The following MIPOL1 variants were observed in gnomAD, a reference collection of about 807,000 sequenced individuals.
MIPOL1 encodes mirror-image polydactyly gene 1 protein.
MIPOL1 carries 57 observed loss-of-function variants against 60.9 expected under a neutral mutation model. The ratio of observed to expected loss-of-function variants is 0.94; its 90% CI spans 0.76 to 1.17. MIPOL1 has a LOEUF of 1.17. MIPOL1 is among the 50% of genes most tolerant of loss of function. The pLI is 0.00. For synonymous variants in MIPOL1, 179 were observed against 168.8 expected (o/e 1.06, Z -0.47); for missense variants, 551 against 511.6 (o/e 1.08, Z -0.74).
intron 12 of MIPOL1, chr14:37,503,588 A>G (rs896411463): frequency 6.6e-6 from 1 of 152,216 alleles, no homozygotes; most frequent in African/African-American, 2.4e-5. Flanking sequence ...CCTGCCTTAC[A>G]AGAGCTCCTG....
intron 7 of MIPOL1, among the ~76,000 whole-genome samples, chr14:37,294,495 A>G (rs1239109808): frequency 1.3e-5 from 2 of 152,194 alleles, no homozygotes; most frequent in Non-Finnish European, 2.9e-5. Flanking sequence ...AGGCTTCAGA[A>G]GATCAAACTA....
intron 12 of MIPOL1, among the ~76,000 whole-genome samples, chr14:37,519,184 T>G (rs2095394112): frequency 6.6e-6 from 1 of 152,170 alleles, no homozygotes; most frequent in African/African-American, 2.4e-5. Flanking sequence ...CTAAATAGTT[T>G]GAGAGAGCTT....
chr14:37,217,099 T>C, intron 1 of MIPOL1, among the ~76,000 whole-genome samples: 1 of 152,130 alleles, frequency 6.6e-6, no homozygotes, highest in Non-Finnish European at 1.5e-5. Flanking sequence ...GCAGAAATTC[T>C]AAGGATCATT....
intron 1 of MIPOL1, among the ~76,000 whole-genome samples, chr14:37,203,949 AT>A (rs1965689361): frequency 1.3e-5 from 2 of 151,878 alleles, no homozygotes; most frequent in African/African-American, 4.8e-5. Context: ...CGCCCAGCTA[AT>A]TTTTTATATT....
chr14:37,426,572 T>TATATATATATATATATATATATAC (rs1160539122), intron 11 of MIPOL1, among the ~76,000 whole-genome samples: 1 of 73,842 alleles, frequency 1.4e-5, no homozygotes. Context: ...AAAATATACA[T>TATATATATATATATATATATATAC]ATATATATAT....
chr14:37,453,988 A>G (rs188581585), intron 11 of MIPOL1, among the ~76,000 whole-genome samples: 55 of 152,326 alleles, frequency 3.6e-4, no homozygotes, highest in Middle Eastern at 3.4e-3. Context: ...GATTTAAATA[A>G]TCTGGTCATT....
intron 3 of MIPOL1, among the ~76,000 whole-genome samples, chr14:37,260,240 TAA>T (rs754422554): frequency 4.0e-4 from 48 of 121,164 alleles, no homozygotes; most frequent in Admixed American, 3.4e-4. Context: ...AGATCTCATC[TAA>T]AAAAAAAAAA....
At chr14:37,436,743 T>G (rs2094169397) in intron 11 of MIPOL1, among the ~76,000 whole-genome samples, 1 of 152,216 alleles carries the variant, frequency 6.6e-6, no homozygotes, top group African/African-American at 2.4e-5. Flanking sequence ...GACTTAACAT[T>G]GTTATTTTGC....
chr14:37,494,545 G>T (rs149297232), intron 11 of MIPOL1, among the ~76,000 whole-genome samples: 1 of 152,156 alleles, frequency 6.6e-6, no homozygotes. Flanking sequence ...GAGGAAGGAG[G>T]TAGAGAGGTC....
At chr14:37,321,158 A>G (rs181706302) in intron 9 of MIPOL1, among the ~76,000 whole-genome samples, 5 of 152,106 alleles carry the variant, frequency 3.3e-5, no homozygotes, top group African/African-American at 9.6e-5. Context: ...TTAAAGCAAG[A>G]TTGGCATCTT....
chr14:37,200,848 C>CTG (rs1408015940), intron 1 of MIPOL1, among the ~76,000 whole-genome samples: 6 of 94,888 alleles, frequency 6.3e-5, no homozygotes, highest in East Asian at 2.9e-4. Context: ...CTATATCTAT[C>CTG]TATGTGTGTG....
intron 9 of MIPOL1, among the ~76,000 whole-genome samples, chr14:37,337,868 CAG>C (rs1322242480): frequency 1.3e-5 from 2 of 151,950 alleles, no homozygotes; most frequent in African/African-American, 4.8e-5. Flanking sequence ...ATATGCAGCA[CAG>C]AAGTTTTTTA....
chr14:37,336,105 G>GTT (rs139169812), intron 9 of MIPOL1, among the ~76,000 whole-genome samples: 1 of 111,768 alleles, frequency 8.9e-6, no homozygotes, highest in Non-Finnish European at 1.9e-5. Flanking sequence ...CAAATTCATG[G>GTT]TTTTTTTTTT....
At chr14:37,208,450 A>G (rs899267605) in intron 1 of MIPOL1, among the ~76,000 whole-genome samples, 2 of 152,218 alleles carry the variant, frequency 1.3e-5, no homozygotes, top group African/African-American at 2.4e-5. Context: ...TTTAGAAAAC[A>G]TAGATCAATT....
intron 12 of MIPOL1, chr14:37,501,926 C>T (rs375698347): frequency 1.3e-5 from 2 of 152,356 alleles, no homozygotes; most frequent in Non-Finnish European, 2.9e-5. Flanking sequence ...TCTTACCAAC[C>T]TGCAGACCAG....
chr14:37,334,427 TA>T (rs1447383881), intron 9 of MIPOL1, among the ~76,000 whole-genome samples: 3 of 152,020 alleles, frequency 2.0e-5, no homozygotes, highest in African/African-American at 7.2e-5. Flanking sequence ...AGCTTATCCA[TA>T]CGCAAATCAA....
At chr14:37,210,116 G>A (rs1369398537) in intron 1 of MIPOL1, among the ~76,000 whole-genome samples, 1 of 151,970 alleles carries the variant, frequency 6.6e-6, no homozygotes, top group African/African-American at 2.4e-5. Context: ...TTCTCTCACA[G>A]CACACTAATC....
Position 37,308,474 on chromosome 14 carries a change from A to G in MIPOL1, c.783A>G (p.Glu261=). ...TKECKMRITA[E]EMSALIEERD... ...AATGTAAAATGAGAATAACTGCAGA[A>G]GAAATGAGTGCACTAATAGAAGAAC... Residue 261 remains glutamate (E), a synonymous_variant, in exon 9 of 13, where the codon GAA becomes GAG. Transcript: ENST00000684589. The G allele has an allele frequency of 6.2e-7, 1 of 1,601,434 alleles. No individual in the cohort carries two copies. Among genetic ancestry groups the G allele is most frequent in the Non-Finnish European group, 8.5e-7 (1 of 1,175,516 alleles).
At chr14:37,290,057 A>C (rs1246583505) in intron 7 of MIPOL1, among the ~76,000 whole-genome samples, 2 of 152,238 alleles carry the variant, frequency 1.3e-5, no homozygotes, top group Non-Finnish European at 2.9e-5. Context: ...ACATGCTTCA[A>C]ATTGGCTGTG....
Sources: gnomAD v4.1 joint callset for allele counts (sites outside exome capture counted in the v4.1 genomes callset) on GRCh38, gnomAD v4.1.1 for gene constraint, MANE v1.5 for transcripts, NCBI Gene and HGNC (gene_info 2026-07-23, HGNC 2026-07-21) for gene names.